DNAH3: variants seen among roughly 807,000 people sequenced by gnomAD.
DNAH3 encodes axonemal beta dynein heavy chain 3.
In DNAH3, 332 loss-of-function variants were observed where a neutral mutation model predicts 432.5. That is an observed-to-expected ratio of 0.77 (90% CI 0.70 to 0.84). DNAH3 has a LOEUF of 0.84. DNAH3 is among the 40% of genes least tolerant of loss of function. The pLI is 0.00. For synonymous variants in DNAH3, 1,956 were observed against 1,900.2 expected, an observed-to-expected ratio of 1.03 and a Z score of -0.76; for missense variants, 4,861 against 5,114.0, an observed-to-expected ratio of 0.95 and a Z score of 1.51.
At chr16:21,001,755 C>T (rs899608024) in intron 42 of DNAH3, among the ~76,000 whole-genome samples, 3 of 152,078 alleles carry the variant, frequency 2.0e-5, no homozygotes, top group African/African-American at 7.2e-5. Context: ...TATCCAAAGC[C>T]ATATAGCCAG....
At chr16:21,039,268 G>T (rs2089318494) in intron 33 of DNAH3, among the ~76,000 whole-genome samples, 1 of 144,612 alleles carries the variant, frequency 6.9e-6, no homozygotes, top group South Asian at 2.2e-4. Flanking sequence ...ACCCAGGCTG[G>T]AGTGCAGTGG....
At chr16:20,983,239 C>T (rs12051044) in intron 48 of DNAH3, among the ~76,000 whole-genome samples, 42,032 of 152,054 alleles carry the variant, frequency 0.28, 6,425 homozygotes, top group South Asian at 0.46. Context: ...TATTCTCCTG[C>T]CTCAGCTTCC....
chr16:21,141,487 G>A (rs80032006), intron 3 of DNAH3, 115 bp from the exon 5 acceptor site: 31,987 of 709,742 alleles, frequency 0.045, 1,361 homozygotes, highest in East Asian at 0.2. Flanking sequence ...GAGCGGACAT[G>A]GTACGGTGTG....
At chr16:21,141,323 G>A (rs767991540) in exon 4 of DNAH3, 15 of 1,591,406 alleles carry the variant, frequency 9.4e-6, no homozygotes, top group Admixed American at 1.7e-5. Context: ...CTTTGTTTCT[G>A]GAGGAAAACT....
exon 53 of DNAH3, chr16:20,964,931 C>T (rs758083617): frequency 6.2e-7 from 1 of 1,614,226 alleles, no homozygotes; most frequent in East Asian, 2.2e-5. Context: ...AGCTGTCGGG[C>T]AGCTTCGGTC....
rs1015463134 is a variant in DNAH3, at chr16:21,051,871, G to A, written c.4040-3C>T. ...TAACTTGGCCACCACGTCGCGGGCT[G>A]TTGGGACACAGATGCAGAAACACGC... On this transcript the variant is annotated splice_region_variant and splice_polypyrimidine_tract_variant and intron_variant, in intron 28 of 61. Transcript: ENST00000261383. 2 of 1,614,122 alleles carry A rather than the reference G, an allele frequency of 1.2e-6. No individual in the cohort carries two copies. Among genetic ancestry groups the A allele is most frequent in the Non-Finnish European group, 1.7e-6 (2 of 1,179,988 alleles).
chr16:21,095,145 AC>A (rs1391090411), intron 18 of DNAH3, among the ~76,000 whole-genome samples: 1 of 152,236 alleles, frequency 6.6e-6, no homozygotes, highest in East Asian at 1.9e-4. Flanking sequence ...ACTGTGGAAA[AC>A]AAAAGTTTGG....
At chr16:21,086,624 G>A (rs555165201) in intron 19 of DNAH3, among the ~76,000 whole-genome samples, 10 of 152,248 alleles carry the variant, frequency 6.6e-5, no homozygotes, top group East Asian at 3.9e-4. Flanking sequence ...AACGAACCAC[G>A]ACCAATGGGG....
chr16:21,138,758 C>T (rs763565413), intron 5 of DNAH3, among the ~76,000 whole-genome samples: 3 of 151,468 alleles, frequency 2.0e-5, no homozygotes, highest in Non-Finnish European at 4.4e-5. Context: ...TGCAGTGAGC[C>T]GAGATCGTGC....
chr16:21,094,039 T>C (rs1476839709), intron 18 of DNAH3, among the ~76,000 whole-genome samples: 1 of 152,100 alleles, frequency 6.6e-6, no homozygotes, highest in East Asian at 1.9e-4. Flanking sequence ...GCACAATCCA[T>C]AAAAGAAAAA....
chr16:21,123,839 G>C (rs1381189710), intron 9 of DNAH3, among the ~76,000 whole-genome samples: 1 of 151,908 alleles, frequency 6.6e-6, no homozygotes, highest in Non-Finnish European at 1.5e-5. Context: ...ACCCAGGCTG[G>C]AGCCAGGCAG....
intron 41 of DNAH3, among the ~76,000 whole-genome samples, chr16:21,014,570 C>T (rs1377372532): frequency 2.6e-5 from 4 of 152,102 alleles, no homozygotes; most frequent in Non-Finnish European, 5.9e-5. Flanking sequence ...TTTTTCATTA[C>T]TTCTGTTCAG....
intron 51 of DNAH3, 79 bp from the exon 52 acceptor site, chr16:20,970,069 A>G: frequency 2.2e-6 from 3 of 1,334,698 alleles, no homozygotes; most frequent in Non-Finnish European, 3.2e-6. Context: ...CCACTCCTAC[A>G]TGAGGAAGAA....
chr16:20,984,896 A>T (rs1439223228), intron 48 of DNAH3, among the ~76,000 whole-genome samples, 153 bp downstream of exon 48: 2 of 151,944 alleles, frequency 1.3e-5, no homozygotes, highest in African/African-American at 2.4e-5. Context: ...AGAGTGAAAA[A>T]AGTTGCCAGA....
At chr16:21,123,673 T>C (rs1301629617) in intron 9 of DNAH3, among the ~76,000 whole-genome samples, 1 of 152,242 alleles carries the variant, frequency 6.6e-6, no homozygotes, top group Non-Finnish European at 1.5e-5. Flanking sequence ...TTTGTTACTT[T>C]GTTAAGGTAA....
intron 13 of DNAH3, 94 bp downstream of exon 13, chr16:21,111,899 A>G: frequency 6.5e-7 from 1 of 1,546,350 alleles, no homozygotes; most frequent in Non-Finnish European, 8.9e-7. Context: ...TCCAATGCTG[A>G]GCATGGTCTA....
At chr16:21,104,639 G>T (rs1480102735) in intron 15 of DNAH3, 45 bp from the exon 16 acceptor site, 1 of 1,211,318 alleles carries the variant, frequency 8.3e-7, no homozygotes, top group Non-Finnish European at 1.2e-6. Context: ...TTTAGCATAG[G>T]TCGGGTCAGC....
chr16:21,027,162 A>T, intron 37 of DNAH3, 35 bp from the exon 38 acceptor site: 1 of 1,501,148 alleles, frequency 6.7e-7, no homozygotes. Flanking sequence ...CAGACAGGGG[A>T]AAGGCTTAAA....
At chr16:20,966,258 C>G (rs910458495) in intron 52 of DNAH3, among the ~76,000 whole-genome samples, 15 of 150,550 alleles carry the variant, frequency 1.0e-4, no homozygotes, top group African/African-American at 3.7e-4. Context: ...AGGCTGGTCT[C>G]GAACTCCTGA....
Sources: allele counts gnomAD v4.1 joint callset (sites outside exome capture counted in the v4.1 genomes callset), GRCh38; gene constraint gnomAD v4.1.1; transcripts MANE v1.5; gene names NCBI Gene and HGNC (gene_info 2026-07-23, HGNC 2026-07-21).